The following ITIH5 variants were observed in gnomAD, a reference collection of about 807,000 sequenced individuals.
ITIH5 encodes the protein inter-alpha-trypsin inhibitor heavy chain 5.
ITIH5 carries 65 observed loss-of-function variants against 77.5 expected under a neutral mutation model. That is an observed-to-expected ratio of 0.84 (90% CI 0.69 to 1.03). The LOEUF (loss-of-function observed/expected upper bound fraction) is 1.03, where lower values mean the gene tolerates loss of function less well. Ranked by LOEUF, ITIH5 falls within the 50% of genes least tolerant of loss-of-function variation. The pLI is 0.00. For synonymous variants in ITIH5, 525 were observed against 494.3 expected (o/e 1.06, Z -0.82); for missense variants, 1,208 against 1,213.1 (o/e 1.00, Z 0.06).
intron 1 of ITIH5, among the ~76,000 whole-genome samples, chr10:7,660,028 T>G (rs1834251207): frequency 6.6e-6 from 1 of 152,128 alleles, no homozygotes. Context: ...CTGACTTCCT[T>G]GAGGCCCCAA....
chr10:7,650,128 C>T (rs1834073601), intron 2 of ITIH5, among the ~76,000 whole-genome samples: 1 of 152,190 alleles, frequency 6.6e-6, no homozygotes, highest in African/African-American at 2.4e-5. Flanking sequence ...ATGTGAGGCA[C>T]TTAAAATCAA....
intron 7 of ITIH5, among the ~76,000 whole-genome samples, chr10:7,606,398 T>C (rs1415225785): frequency 6.6e-6 from 1 of 152,168 alleles, no homozygotes; most frequent in Non-Finnish European, 1.5e-5. Context: ...GTGGTACAAA[T>C]ATACCATGGA....
At chr10:7,582,090 T>C (rs1227333288) in intron 8 of ITIH5, among the ~76,000 whole-genome samples, 26 of 152,168 alleles carry the variant, frequency 1.7e-4, no homozygotes, top group Admixed American at 2.0e-4. Flanking sequence ...TTGGCCAGGC[T>C]GGTCTTGATT....
chr10:7,592,100 A>G (rs1277775074), intron 7 of ITIH5, among the ~76,000 whole-genome samples: 1 of 152,018 alleles, frequency 6.6e-6, no homozygotes, highest in East Asian at 1.9e-4. Flanking sequence ...CGATCTCTCG[A>G]CCTGGTGATC....
chr10:7,613,750 T>C (rs1417679208), intron 7 of ITIH5, among the ~76,000 whole-genome samples: 1 of 152,226 alleles, frequency 6.6e-6, no homozygotes, highest in African/African-American at 2.4e-5. Flanking sequence ...CAAGGATGTT[T>C]GTCAAGACCG....
At chr10:7,648,416 A>G (rs894241140) in intron 2 of ITIH5, among the ~76,000 whole-genome samples, 1 of 152,256 alleles carries the variant, frequency 6.6e-6, no homozygotes, top group African/African-American at 2.4e-5. Flanking sequence ...ATTAAATTGT[A>G]CACATTGAAG....
chr10:7,666,926 G>A lies in ITIH5; in HGVS notation c.-34C>T. The A allele has an allele frequency of 6.5e-7, 1 of 1,541,164 alleles. No homozygotes were observed. The highest frequency in any genetic ancestry group is 2.4e-5 in the East Asian group (1 of 40,818). ...GAGGGCGCGGGACGCTCGGGGACCCGGCGGGACACGCTTTGCAGCGCCCAG... is the reference window on the plus strand; with the variant it reads ...GAGGGCGCGGGACGCTCGGGGACCCAGCGGGACACGCTTTGCAGCGCCCAG... On this transcript the variant is annotated 5_prime_UTR_variant, in exon 1 of 14. Transcript: ENST00000397146.
At chr10:7,581,870 ATTT>A (rs34386089) in intron 8 of ITIH5, among the ~76,000 whole-genome samples, 16,043 of 81,484 alleles carry the variant, frequency 0.2, 1,105 homozygotes, top group Non-Finnish European at 0.25. Flanking sequence ...CCACCCATGT[ATTT>A]TTTTTTTTTT....
chr10:7,576,988 C>G lies in ITIH5; in HGVS notation c.1443G>C (p.Pro481=), dbSNP rs760048178. Residue 481 remains proline, a synonymous_variant, in exon 10 of 14, where the codon CCG becomes CCC. Transcript: ENST00000397146. ...AATCGATGCGGATGTCAGAGAGGAG[C>G]GGGGTCCTGATTTCATCGTAGAACC... ...LIGFYDEIRT[P]LLSDIRIDYP... is the part of the protein sequence containing the mutation. 6.2e-7 allele frequency: 1 copy of G among 1,612,098 alleles called. No individual in the cohort carries two copies. Among genetic ancestry groups the G allele is most frequent in the East Asian group, 2.2e-5 (1 of 44,800 alleles).
intron 8 of ITIH5, among the ~76,000 whole-genome samples, chr10:7,583,570 G>A (rs977539381): frequency 1.3e-5 from 2 of 152,144 alleles, no homozygotes; most frequent in African/African-American, 4.8e-5. Flanking sequence ...CCGAGCTCAG[G>A]CAATCCACCC....
chr10:7,600,539 G>T (rs768006959), intron 7 of ITIH5: 5 of 456,732 alleles, frequency 1.1e-5, no homozygotes, highest in South Asian at 7.7e-5. Flanking sequence ...CTTGGCCTTT[G>T]CCTTCCCTTT....
chr10:7,597,008 T>G (rs1321847748), intron 7 of ITIH5, among the ~76,000 whole-genome samples: 2 of 118,040 alleles, frequency 1.7e-5, no homozygotes, highest in Admixed American at 1.3e-4. Context: ...ACCATGCCAC[T>G]GCACTCCAGC....
intron 2 of ITIH5, among the ~76,000 whole-genome samples, chr10:7,643,690 G>C (rs1283277216): frequency 2.0e-5 from 3 of 152,170 alleles, no homozygotes; most frequent in Non-Finnish European, 4.4e-5. Context: ...GCCCTCATCT[G>C]CTTTATTAAT....
At chr10:7,625,449 T>C (rs949041917) in intron 5 of ITIH5, among the ~76,000 whole-genome samples, 1 of 152,104 alleles carries the variant, frequency 6.6e-6, no homozygotes, top group African/African-American at 2.4e-5. Flanking sequence ...GTGAATAGAC[T>C]TAACACTGCC....
At chr10:7,581,822 A>G (rs1241222816) in intron 8 of ITIH5, among the ~76,000 whole-genome samples, 2 of 139,454 alleles carry the variant, frequency 1.4e-5, no homozygotes, top group Admixed American at 1.6e-4. Flanking sequence ...TCAACCTCCC[A>G]AAGTGCTGGG....
intron 7 of ITIH5, among the ~76,000 whole-genome samples, chr10:7,598,378 G>A (rs1036380917): frequency 6.6e-6 from 1 of 152,076 alleles, no homozygotes; most frequent in Non-Finnish European, 1.5e-5. Context: ...TTCATAAAAT[G>A]GAAAATTTGG....
chr10:7,649,882 G>A lies in ITIH5; in HGVS notation c.135+5749C>T, dbSNP rs906096807. ...CATGAAAGGAAGGATATAAAACAGT[G>A]GCCTCACTTTTTCCCAGTGCACGGT... On this transcript the variant is annotated intron_variant, in intron 2 of 13. Transcript: ENST00000397146. Among the ~76,000 whole-genome samples, 14 of 152,108 alleles carry A rather than the reference G, an allele frequency of 9.2e-5. No homozygotes were observed. The East Asian group carries it at 2.7e-3, about 29-fold the overall frequency.
chr10:7,580,813 T>C (rs1357595037), intron 8 of ITIH5, among the ~76,000 whole-genome samples: 3 of 152,120 alleles, frequency 2.0e-5, no homozygotes, highest in African/African-American at 7.2e-5. Flanking sequence ...AAAGAATGAA[T>C]TTGTTGCCTT....
chr10:7,665,620 C>T (rs1564286735), intron 1 of ITIH5, among the ~76,000 whole-genome samples: 1 of 152,222 alleles, frequency 6.6e-6, no homozygotes, highest in Non-Finnish European at 1.5e-5. Flanking sequence ...AGTTATTGAG[C>T]GTCCACTGTA....
Sources: allele counts gnomAD v4.1 joint callset (sites outside exome capture counted in the v4.1 genomes callset), GRCh38; gene constraint gnomAD v4.1.1; transcripts MANE v1.5; gene names NCBI Gene and HGNC (gene_info 2026-07-23, HGNC 2026-07-21).